Variants in MYMK observed in about 807,000 individuals in gnomAD.
The protein encoded by MYMK is protein myomaker.
A neutral mutation model predicts 22.4 loss-of-function variants in MYMK; 16 were observed. That is an observed-to-expected ratio of 0.72 (90% CI 0.48 to 1.09). The LOEUF (loss-of-function observed/expected upper bound fraction) is 1.09. Among genes scored for constraint, MYMK ranks in the 50% least tolerant of loss-of-function variants. The pLI, the probability that MYMK is intolerant of heterozygous loss-of-function variation, is 0.00. For synonymous variants in MYMK, 125 were observed against 127.0 expected (o/e 0.98, Z 0.11); for missense variants, 250 against 295.6 (o/e 0.85, Z 1.13).
chr9:133,522,440 C>T (rs980934195), intron 1 of MYMK, among the ~76,000 whole-genome samples: 16 of 152,168 alleles, frequency 1.1e-4, no homozygotes, highest in Admixed American at 3.3e-4. Context: ...GAGATTGTCA[C>T]GGGAGGGGCC....
chr9:133,520,640 GA>G (rs1844692625), intron 1 of MYMK, among the ~76,000 whole-genome samples: 3 of 151,998 alleles, frequency 2.0e-5, no homozygotes, highest in Non-Finnish European at 4.4e-5. Context: ...CGGTCTCCGG[GA>G]GGGACCCTAC....
rs1325552848 is a variant in MYMK, at chr9:133,515,653, G to A, written c.400-46C>T. 1.5e-6 allele frequency: 2 copies of A among 1,342,432 alleles called. No homozygotes were observed. The highest frequency in any genetic ancestry group is 1.4e-5 in the African/African-American group (1 of 69,654). The allele number at this position is 1,342,432 out of a possible 1,614,324, so 83.2% of individuals were successfully genotyped here. A position where few individuals can be genotyped will look rare whatever the true frequency, so the allele number is the denominator to read the frequency against. ...AGCAAAGCTTTTAGGTCACAGCACTGGGGAACGCCCCTCCCCAAACCAGCC... is the reference window on the plus strand; with the variant it reads ...AGCAAAGCTTTTAGGTCACAGCACTAGGGAACGCCCCTCCCCAAACCAGCC... On this transcript the variant is annotated intron_variant, in intron 3 of 4. Transcript: ENST00000339996. The surrounding 1 kb of genome is among the most constrained non-coding windows in gnomAD (Gnocchi z 5.8).
Position 133,524,781 on chromosome 9 carries a change from C to G in MYMK, c.64G>C (p.Val22Leu). The change falls in exon 1 of 5, where the codon GTC (valine) becomes CTC (leucine). Residue 22 changes from valine to leucine, a missense_variant. By Grantham distance (32) the Val-to-Leu change is conservative. Coordinates refer to ENST00000339996, the MANE Select transcript of MYMK (RefSeq NM_001080483.3). ...AACCGCCTCTTGGCCGCGATGCTGA[C>G]AGTGGGGAGGAAGGCCAGGCTGCTG... ...TLSSLAFLPT[V>L]SIAAKRRFHM... 6.2e-7 allele frequency: 1 copy of G among 1,614,096 alleles called. No individual in the cohort carries two copies. Among genetic ancestry groups the G allele is most frequent in the Non-Finnish European group, 8.5e-7 (1 of 1,180,012 alleles).
Position 133,515,125 on chromosome 9 carries a change from TC to T in MYMK, c.517-341del, listed in dbSNP as rs1358236867. ...CCCTCTTCCCCTGTTCCTCCCTCCC[TC>T]CTCCACTTTCTCCCTCCTTCCTTCC... On this transcript the variant is annotated intron_variant, in intron 4 of 4. Transcript: ENST00000339996. This position sits in a 1 kb window ranked among gnomAD's most constrained non-coding sequence, Gnocchi z 5.8. Among the ~76,000 whole-genome samples, 1 of 130,256 alleles carries T rather than the reference TC, an allele frequency of 7.7e-6. No individual in the cohort carries two copies. The highest frequency in any genetic ancestry group is 1.6e-5 in the Non-Finnish European group (1 of 62,492). The allele number at this position is 130,256 out of a possible 152,430, so 85.5% of individuals were successfully genotyped here. A position where few individuals can be genotyped will look rare whatever the true frequency, so the allele number is the denominator to read the frequency against.
At chr9:133,519,159 G>A in intron 2 of MYMK, 137 bp from the exon 3 acceptor site, 1 of 1,079,372 alleles carries the variant, frequency 9.3e-7, no homozygotes, top group Non-Finnish European at 1.3e-6. Context: ...GAGACCCTGA[G>A]GCCCAGCCTG....
intron 2 of MYMK, among the ~76,000 whole-genome samples, chr9:133,519,370 T>C (rs1397699113): frequency 1.3e-5 from 2 of 152,132 alleles, no homozygotes; most frequent in African/African-American, 2.4e-5. Flanking sequence ...AGTTCAAGAC[T>C]AGCCTGGGCA....
intron 2 of MYMK, 143 bp from the exon 3 acceptor site, chr9:133,519,165 G>T: frequency 9.6e-7 from 1 of 1,036,716 alleles, no homozygotes; most frequent in Non-Finnish European, 1.4e-6. Context: ...CTGAGGCCCA[G>T]CCTGGTCATG....
At chr9:133,520,784 C>T (rs1282976501) in intron 1 of MYMK, among the ~76,000 whole-genome samples, 3 of 152,168 alleles carry the variant, frequency 2.0e-5, no homozygotes, top group Non-Finnish European at 4.4e-5. Flanking sequence ...CTGGGGCCTT[C>T]TCTTGCACAA....
intron 1 of MYMK, among the ~76,000 whole-genome samples, chr9:133,522,638 G>C (rs956714239): frequency 1.3e-5 from 2 of 152,214 alleles, no homozygotes; most frequent in Non-Finnish European, 2.9e-5. Context: ...AGGGAGGTGT[G>C]GCCTGGTGGG....
chr9:133,516,374 G>C (rs1364674798), intron 3 of MYMK, among the ~76,000 whole-genome samples: 2 of 152,222 alleles, frequency 1.3e-5, no homozygotes, highest in Non-Finnish European at 2.9e-5. Context: ...GGGGAGGAAG[G>C]AGGGAGGGTT....
At chr9:133,524,678 G>A in intron 1 of MYMK, 32 bp downstream of exon 1, 1 of 1,614,028 alleles carries the variant, frequency 6.2e-7, no homozygotes, top group African/African-American at 1.3e-5. Flanking sequence ...GATGGGGCCT[G>A]TGTGGGACTT....
Position 133,514,609 on chromosome 9 carries a change from G to A in MYMK, c.*27C>T, listed in dbSNP as rs752843974. ...GCCAAGTGTGAGCTGGGGAGGGCAG[G>A]GGCTCAGAGCCGGGCTGGGCGCAGC... On this transcript the variant is annotated 3_prime_UTR_variant, in exon 5 of 5. Coordinates refer to ENST00000339996, the MANE Select transcript of MYMK (RefSeq NM_001080483.3). The A allele has an allele frequency of 1.9e-6, 3 of 1,602,696 alleles. No homozygotes were observed. Among genetic ancestry groups the A allele is most frequent in the Non-Finnish European group, 2.6e-6 (3 of 1,173,790 alleles).
chr9:133,523,216 G>A (rs961525439), intron 1 of MYMK, among the ~76,000 whole-genome samples: 4 of 152,242 alleles, frequency 2.6e-5, no homozygotes, highest in African/African-American at 9.6e-5. Context: ...AGCATAACAT[G>A]TGAATATATG....
At chr9:133,517,721 T>A (rs1275134262) in intron 3 of MYMK, among the ~76,000 whole-genome samples, 1 of 150,482 alleles carries the variant, frequency 6.6e-6, no homozygotes, top group African/African-American at 2.5e-5. Flanking sequence ...TGCCATGACG[T>A]CCTGTTAAGT....
rs1039161731 is a variant in MYMK at position 133,515,680 on chromosome 9, G to A, written c.400-73C>T. The A allele has an allele frequency of 4.1e-5, 41 of 1,010,468 alleles. 3 individuals are homozygous for A. Among genetic ancestry groups the A allele is most frequent in the South Asian group, 3.6e-4 (28 of 76,930 alleles). 62.6% of individuals were successfully genotyped at this position (1,010,468 alleles called of 1,614,324 possible). ...GGAACGCCCCTCCCCAAACCAGCCC[G>A]AGAGCTGGCCCTGCACAGGCTCACC... is the stretch of plus-strand genomic sequence containing the variant. On this transcript the variant is annotated intron_variant, in intron 3 of 4. Coordinates refer to ENST00000339996, the MANE Select transcript of MYMK (RefSeq NM_001080483.3). This position sits in a 1 kb window ranked among gnomAD's most constrained non-coding sequence, Gnocchi z 5.8.
chr9:133,516,993 C>A (rs1844638221), intron 3 of MYMK, among the ~76,000 whole-genome samples: 1 of 152,186 alleles, frequency 6.6e-6, no homozygotes, highest in South Asian at 2.1e-4. Context: ...ATTTGAGCCC[C>A]AGATGCGGGG....
Position 133,519,790 on chromosome 9 carries a change from G to A in MYMK, c.250+384C>T, listed in dbSNP as rs150875872. ...CCGTCTTCCAGGCTGGATATCACCC[G>A]TGTGTGTGGATGTTTGTATGACAGT... On this transcript the variant is annotated intron_variant, in intron 2 of 4. Transcript: ENST00000339996. 6.0e-3 allele frequency among the ~76,000 whole-genome samples: 919 copies of A among 152,200 alleles called. 8 individuals carry two copies. Among genetic ancestry groups the A allele is most frequent in the African/African-American group, 0.02 (833 of 41,508 alleles).
At chr9:133,516,613 C>T (rs1301578387) in intron 3 of MYMK, among the ~76,000 whole-genome samples, 5 of 152,306 alleles carry the variant, frequency 3.3e-5, no homozygotes, top group South Asian at 2.1e-4. Context: ...AATTGATGCC[C>T]GGCTTTCCAT....
At position 133,514,779 on chromosome 9, in the gene MYMK, C is replaced by G. The variant is rs1276403796; in HGVS notation, c.523G>C (p.Asp175His). Residue 175 changes from aspartate (D) to histidine (H), a missense_variant, in exon 5 of 5, where the codon GAC becomes CAC. By Grantham distance (81) the Asp-to-His change is moderately conservative. Coordinates refer to ENST00000339996, the MANE Select transcript of MYMK (RefSeq NM_001080483.3). ...LMLRFFFEDW[D>H]YTYVHSFYHC... ...TAGAAGCTGTGGACATAAGTGTAGTCCCAGTCCTGCGGGGGGCAAGCGGTC... is the reference window on the plus strand; with the variant it reads ...TAGAAGCTGTGGACATAAGTGTAGTGCCAGTCCTGCGGGGGGCAAGCGGTC... The G allele has an allele frequency of 6.2e-7, 1 of 1,613,646 alleles. No homozygotes were observed.
Sources: allele counts gnomAD v4.1 joint callset (sites outside exome capture counted in the v4.1 genomes callset), GRCh38; gene constraint gnomAD v4.1.1; non-coding constraint Gnocchi (gnomAD v3.1); transcripts MANE v1.5; gene names NCBI Gene and HGNC (gene_info 2026-07-23, HGNC 2026-07-21).